The following RPRD2 variants were observed in gnomAD, a reference collection of about 807,000 sequenced individuals.
The protein encoded by RPRD2 is regulation of nuclear pre-mRNA domain-containing protein 2.
In RPRD2, 12 loss-of-function variants were observed where a neutral mutation model predicts 104.4. The observed-to-expected ratio is 0.11, with a 90% CI of 0.07 to 0.19. RPRD2 has a LOEUF of 0.19. Ranked by LOEUF, RPRD2 falls within the 10% of genes least tolerant of loss-of-function variation. The probability of loss-of-function intolerance (pLI) is 1.00; values close to 1 mark genes in which losing one functional copy is unlikely to be tolerated. For missense variants in RPRD2, 1,543 were observed against 1,790.1 expected, an observed-to-expected ratio of 0.86 and a Z score of 2.49; for synonymous variants, 714 against 684.9, an observed-to-expected ratio of 1.04 and a Z score of -0.66.
At chr1:150,377,809 T>G (rs1456686835) in intron 1 of RPRD2, among the ~76,000 whole-genome samples, 1 of 152,146 alleles carries the variant, frequency 6.6e-6, no homozygotes, top group Admixed American at 6.6e-5. Context: ...CTGCAAAATA[T>G]GAATTTGTAA....
intron 1 of RPRD2, among the ~76,000 whole-genome samples, chr1:150,368,926 T>C (rs1553877700): frequency 6.6e-6 from 1 of 152,132 alleles, no homozygotes; most frequent in Non-Finnish European, 1.5e-5. Flanking sequence ...TTTCAAGTAG[T>C]GCCTTCAATT....
At chr1:150,397,275 C>A (rs782370577) in intron 1 of RPRD2, among the ~76,000 whole-genome samples, 1 of 152,266 alleles carries the variant, frequency 6.6e-6, no homozygotes, top group East Asian at 1.9e-4. Flanking sequence ...CACCCGGCCA[C>A]AACAGCAAGT....
At chr1:150,439,978 T>TG (rs1451083924) in intron 2 of RPRD2, among the ~76,000 whole-genome samples, 1 of 152,170 alleles carries the variant, frequency 6.6e-6, no homozygotes, top group Non-Finnish European at 1.5e-5. Flanking sequence ...CACTTTTTTT[T>TG]TTTGAGACAA....
At chr1:150,411,801 A>AC (rs2102256256) in intron 1 of RPRD2, among the ~76,000 whole-genome samples, 1 of 74,664 alleles carries the variant, frequency 1.3e-5, no homozygotes, top group East Asian at 3.4e-4. Context: ...AAAAAAAAAA[A>AC]AAAAAAAAAA....
At chr1:150,388,106 C>T (rs1350399466) in intron 1 of RPRD2, among the ~76,000 whole-genome samples, 2 of 151,096 alleles carry the variant, frequency 1.3e-5, no homozygotes, top group African/African-American at 2.4e-5. Context: ...TTTGTAGAGA[C>T]GGGGTCTCAC....
chr1:150,381,292 C>T (rs1025934653), intron 1 of RPRD2, among the ~76,000 whole-genome samples: 10 of 151,478 alleles, frequency 6.6e-5, no homozygotes, highest in East Asian at 5.9e-4. Flanking sequence ...CATGGTGGCG[C>T]GTACCTGCAG....
At chr1:150,426,063 T>C (rs1331000723) in intron 2 of RPRD2, among the ~76,000 whole-genome samples, 2 of 152,166 alleles carry the variant, frequency 1.3e-5, no homozygotes, top group Admixed American at 6.5e-5. Flanking sequence ...GTGGTGTCAC[T>C]GCACTCTGCC....
chr1:150,392,054 G>T (rs587658332), intron 1 of RPRD2, among the ~76,000 whole-genome samples: 1 of 151,868 alleles, frequency 6.6e-6, no homozygotes, highest in African/African-American at 2.4e-5. Flanking sequence ...AAAAAAATTA[G>T]CCAGGCATGG....
chr1:150,388,308 G>C (rs1302470958), intron 1 of RPRD2, among the ~76,000 whole-genome samples: 1 of 151,552 alleles, frequency 6.6e-6, no homozygotes, highest in African/African-American at 2.4e-5. Context: ...GCTTGTATGT[G>C]TGTGTATATA....
At chr1:150,379,204 A>C (rs587771849) in intron 1 of RPRD2, among the ~76,000 whole-genome samples, 1 of 150,104 alleles carries the variant, frequency 6.7e-6, no homozygotes, top group East Asian at 2.0e-4. Flanking sequence ...AATTGCTTGA[A>C]CCTGGGAGGC....
At chr1:150,465,397 C>T (rs941736223) in intron 10 of RPRD2, among the ~76,000 whole-genome samples, 3 of 152,172 alleles carry the variant, frequency 2.0e-5, no homozygotes, top group Non-Finnish European at 4.4e-5. Context: ...GGATTACAGG[C>T]GTGAGCCACT....
intron 2 of RPRD2, among the ~76,000 whole-genome samples, chr1:150,425,162 A>G (rs587667080): frequency 2.6e-4 from 39 of 152,324 alleles, no homozygotes; most frequent in African/African-American, 9.4e-4. Flanking sequence ...TGTGGAAACT[A>G]AAGAGTTAAT....
intron 1 of RPRD2, among the ~76,000 whole-genome samples, chr1:150,368,456 C>A: frequency 7.9e-6 from 1 of 126,526 alleles, no homozygotes. Context: ...CTAAGCCCAG[C>A]TAATTTTTTT....
intron 8 of RPRD2, 56 bp from the exon 9 acceptor site, chr1:150,460,004 G>C: frequency 6.5e-7 from 1 of 1,536,790 alleles, no homozygotes; most frequent in Non-Finnish European, 8.9e-7. Flanking sequence ...ATTTCATATA[G>C]GAAGCAAAGT....
At chr1:150,410,571 G>A (rs1553887415) in intron 1 of RPRD2, among the ~76,000 whole-genome samples, 1 of 152,136 alleles carries the variant, frequency 6.6e-6, no homozygotes, top group Admixed American at 6.6e-5. Context: ...TTTCCACTCA[G>A]ATTCCCATTA....
chr1:150,367,785 C>T (rs1293163312), intron 1 of RPRD2, among the ~76,000 whole-genome samples: 4 of 150,964 alleles, frequency 2.6e-5, no homozygotes, highest in African/African-American at 4.9e-5. Context: ...TGCAGTGGCG[C>T]GATCTCAGCT....
intron 1 of RPRD2, among the ~76,000 whole-genome samples, chr1:150,402,815 A>G (rs1663151196): frequency 6.6e-6 from 1 of 152,146 alleles, no homozygotes; most frequent in South Asian, 2.1e-4. Flanking sequence ...AAAAATACGA[A>G]AATTAGCCGG....
intron 7 of RPRD2, among the ~76,000 whole-genome samples, chr1:150,456,083 AG>A (rs1230408865): frequency 6.6e-6 from 1 of 152,074 alleles, no homozygotes; most frequent in Non-Finnish European, 1.5e-5. Context: ...TCCTTGCCTC[AG>A]CCTCCCAAAG....
At chr1:150,442,013 G>A in intron 4 of RPRD2, 55 bp downstream of exon 4, 1 of 1,334,892 alleles carries the variant, frequency 7.5e-7, no homozygotes, top group Middle Eastern at 2.3e-4. Flanking sequence ...TGGAGCAGAA[G>A]AAAATGTAGA....
Sources: gnomAD v4.1 joint callset for allele counts (sites outside exome capture counted in the v4.1 genomes callset) on GRCh38, gnomAD v4.1.1 for gene constraint, MANE v1.5 for transcripts, NCBI Gene and HGNC (gene_info 2026-07-23, HGNC 2026-07-21) for gene names.